SPECC1: variants seen among roughly 807,000 people sequenced by gnomAD.
The protein encoded by SPECC1 is sperm antigen with calponin homology and coiled-coil domains 1.
In SPECC1, 62 loss-of-function variants were observed where a neutral mutation model predicts 104.1. The ratio of observed to expected loss-of-function variants is 0.60; its 90% confidence interval spans 0.49 to 0.74. SPECC1 has a LOEUF of 0.74. Ranked by LOEUF, SPECC1 falls within the 30% of genes least tolerant of loss-of-function variation. The pLI is 0.00. For missense variants in SPECC1, 1,306 were observed against 1,310.5 expected, an observed-to-expected ratio of 1.00 and a Z score of 0.05; for synonymous variants, 513 against 501.6, an observed-to-expected ratio of 1.02 and a Z score of -0.30.
chr17:20,308,649 A>G (rs2041842536), intron 14 of SPECC1, among the ~76,000 whole-genome samples: 1 of 151,840 alleles, frequency 6.6e-6, no homozygotes, highest in Admixed American at 6.5e-5. Flanking sequence ...TTTAAAATGT[A>G]GTCACACACA....
chr17:20,207,690 A>C (rs2036875971), intron 4 of SPECC1, among the ~76,000 whole-genome samples: 1 of 152,230 alleles, frequency 6.6e-6, no homozygotes, highest in African/African-American at 2.4e-5. Flanking sequence ...CACCACTTGG[A>C]GAAAAACTGC....
chr17:20,169,936 C>A (rs904656924), intron 3 of SPECC1, among the ~76,000 whole-genome samples: 1 of 152,138 alleles, frequency 6.6e-6, no homozygotes, highest in Non-Finnish European at 1.5e-5. Context: ...TTATATGGCT[C>A]CAATCAGATC....
At chr17:20,122,013 G>T (rs868326481) in intron 3 of SPECC1, among the ~76,000 whole-genome samples, 20 of 152,312 alleles carry the variant, frequency 1.3e-4, no homozygotes, top group African/African-American at 4.3e-4. Flanking sequence ...CTTCATAAAG[G>T]TACATGAGCA....
chr17:20,169,306 G>C (rs761854270), intron 3 of SPECC1, among the ~76,000 whole-genome samples: 1 of 152,202 alleles, frequency 6.6e-6, no homozygotes, highest in East Asian at 1.9e-4. Context: ...TATCTCCTCA[G>C]AGGCACTGGT....
At chr17:20,230,815 A>C (rs919247679) in intron 5 of SPECC1, among the ~76,000 whole-genome samples, 1 of 152,204 alleles carries the variant, frequency 6.6e-6, no homozygotes, top group Non-Finnish European at 1.5e-5. Flanking sequence ...TAAGATCCTG[A>C]TGGGAAAGGA....
intron 1 of SPECC1, among the ~76,000 whole-genome samples, chr17:20,088,935 A>G (rs1457575637): frequency 6.6e-6 from 1 of 152,230 alleles, no homozygotes; most frequent in Non-Finnish European, 1.5e-5. Context: ...AGGCGCAGCA[A>G]GAAGGCACCT....
intron 1 of SPECC1, 61 bp from the exon 2 acceptor site, chr17:20,096,570 A>G: frequency 6.5e-7 from 1 of 1,532,822 alleles, no homozygotes; most frequent in East Asian, 2.3e-5. Flanking sequence ...GTAAAGTGTG[A>G]TGATGTCATG....
chr17:20,290,205 C>G (rs2041116374), intron 12 of SPECC1: 1 of 151,952 alleles, frequency 6.6e-6, no homozygotes, highest in Non-Finnish European at 1.5e-5. Flanking sequence ...TTTGATCTTG[C>G]CAGACTTTAG....
intron 1 of SPECC1, among the ~76,000 whole-genome samples, chr17:20,024,672 A>G (rs1320633492): frequency 6.6e-6 from 1 of 152,116 alleles, no homozygotes; most frequent in African/African-American, 2.4e-5. Flanking sequence ...AGGAAGGGAG[A>G]AGTCAGGGTT....
intron 3 of SPECC1, among the ~76,000 whole-genome samples, chr17:20,142,641 G>A (rs537521214): frequency 6.6e-6 from 1 of 152,126 alleles, no homozygotes; most frequent in South Asian, 2.1e-4. Context: ...CAGCGGCTGC[G>A]GGAGGAGGGA....
intron 7 of SPECC1, among the ~76,000 whole-genome samples, chr17:20,232,965 G>A (rs769775262): frequency 2.0e-4 from 30 of 152,184 alleles, no homozygotes; most frequent in Admixed American, 8.5e-4. Flanking sequence ...ATTCCCTTCT[G>A]CTCTTGATGG....
intron 7 of SPECC1, among the ~76,000 whole-genome samples, chr17:20,241,610 A>T (rs907328789): frequency 1.3e-5 from 2 of 152,164 alleles, no homozygotes; most frequent in Non-Finnish European, 2.9e-5. Flanking sequence ...ATGATACTCG[A>T]CTACAGGACT....
intron 3 of SPECC1, chr17:20,112,483 A>G (rs748367639): frequency 1.3e-6 from 1 of 765,158 alleles, no homozygotes; most frequent in Non-Finnish European, 2.4e-6. Flanking sequence ...TGCGATGCCA[A>G]GGTTTGAACT....
intron 3 of SPECC1, among the ~76,000 whole-genome samples, chr17:20,147,473 G>A (rs1433233007): frequency 6.6e-6 from 1 of 152,176 alleles, no homozygotes; most frequent in African/African-American, 2.4e-5. Context: ...TAATGGAATT[G>A]TGTGTGTGTT....
Position 20,176,409 on chromosome 17 carries a change from G to C in SPECC1, c.284-27924G>C, listed in dbSNP as rs563024677. Among the ~76,000 whole-genome samples, 4 of 152,174 alleles carry C rather than the reference G, an allele frequency of 2.6e-5. No individual in the cohort carries two copies. In the South Asian group the frequency reaches 8.3e-4, roughly 32 times the overall value. On this transcript the variant is annotated intron_variant, in intron 3 of 14. Coordinates refer to ENST00000395527, the MANE Select transcript of SPECC1 (RefSeq NM_001243439.2). ...CAGACAGGTGCTTCTCCCTACTTCC[G>C]TGTCCCTCTCCTTCTCCCACTACCC... is the stretch of plus-strand genomic sequence containing the variant.
intron 2 of SPECC1, among the ~76,000 whole-genome samples, chr17:20,109,455 C>T (rs1049704184): frequency 2.0e-5 from 3 of 152,174 alleles, no homozygotes; most frequent in Non-Finnish European, 4.4e-5. Context: ...TTCTCATTAA[C>T]GTTGAATGTA....
chr17:20,260,228 G>C lies in SPECC1; in HGVS notation c.2874G>C (p.Arg958=). Residue 958 remains arginine, a synonymous_variant, in exon 12 of 15, where the codon CGG becomes CGC. Coordinates refer to ENST00000395527, the MANE Select transcript of SPECC1 (RefSeq NM_001243439.2). ...ERKDPLAALA[R]EYGGSKRNAL... ...AAGACCCTCTGGCAGCCTTGGCCCG[G>C]GAATACGGTGGTTCCAAGCGCAATG... 1 of 1,613,950 alleles carries C rather than the reference G, an allele frequency of 6.2e-7. No individual in the cohort carries two copies. The highest frequency in any genetic ancestry group is 8.5e-7 in the Non-Finnish European group (1 of 1,179,906).
intron 1 of SPECC1, among the ~76,000 whole-genome samples, chr17:20,034,127 C>T (rs536346167): frequency 9.3e-5 from 14 of 150,952 alleles, no homozygotes; most frequent in Non-Finnish European, 1.6e-4. Flanking sequence ...GACGGAGTCT[C>T]GCTCTGTCAC....
At chr17:20,210,707 A>G (rs2037083450) in intron 4 of SPECC1, among the ~76,000 whole-genome samples, 1 of 152,208 alleles carries the variant, frequency 6.6e-6, no homozygotes, top group South Asian at 2.1e-4. Flanking sequence ...ACCTTTTCCC[A>G]CAAAGTACTC....
Sources: allele counts gnomAD v4.1 joint callset (sites outside exome capture counted in the v4.1 genomes callset), GRCh38; gene constraint gnomAD v4.1.1; transcripts MANE v1.5; gene names NCBI Gene and HGNC (gene_info 2026-07-23, HGNC 2026-07-21).